The following PHLDB3 variants were observed in gnomAD, a reference collection of about 807,000 sequenced individuals.
PHLDB3 encodes pleckstrin homology like domain family B member 3, also known as pleckstrin homology-like domain family B member 3.
Under a neutral mutation model 85.7 loss-of-function variants are expected in PHLDB3, and 86 were observed. The ratio of observed to expected loss-of-function variants is 1.00; its 90% CI spans 0.84 to 1.20. PHLDB3 has a LOEUF of 1.20. Ranked by LOEUF, PHLDB3 falls within the 50% of genes most tolerant of loss-of-function variation. The pLI is 0.00. For missense variants in PHLDB3, 995 were observed against 873.0 expected, an observed-to-expected ratio of 1.14 and a Z score of -1.76; for synonymous variants, 376 against 349.8, an observed-to-expected ratio of 1.07 and a Z score of -0.83.
At chr19:43,499,094 A>T (rs188003602) in intron 4 of PHLDB3, among the ~76,000 whole-genome samples, 10 of 152,196 alleles carry the variant, frequency 6.6e-5, no homozygotes, top group Non-Finnish European at 1.3e-4. Flanking sequence ...CTGCCTCGGG[A>T]GTCCTCCAAG....
intron 2 of PHLDB3, among the ~76,000 whole-genome samples, chr19:43,502,743 A>C (rs576587198): frequency 1.3e-5 from 2 of 148,986 alleles, no homozygotes; most frequent in Non-Finnish European, 3.0e-5. Context: ...GGCATAAGCC[A>C]CCGCGCCCGG....
At position 43,494,620 on chromosome 19, in the gene PHLDB3, A is replaced by G. The variant is rs557365992; in HGVS notation, c.1149+82T>C. ...TCAGAGTGGAAGTTCTGGAGACCCCAGTTCGGGGACTCTGCTGTTAGCCCC... is the reference window on the plus strand; with the variant it reads ...TCAGAGTGGAAGTTCTGGAGACCCCGGTTCGGGGACTCTGCTGTTAGCCCC... On this transcript the variant is annotated intron_variant, in intron 9 of 15. Transcript: ENST00000292140. The G allele has an allele frequency of 1.6e-5, 18 of 1,147,620 alleles. 1 individual carries two copies. The South Asian group carries it at 2.5e-4, about 16-fold the overall frequency. The allele number at this position is 1,147,620 out of a possible 1,614,324, so 71.1% of individuals were successfully genotyped here.
At chr19:43,494,622 T>G in intron 9 of PHLDB3, 80 bp downstream of exon 9, 1 of 1,178,810 alleles carries the variant, frequency 8.5e-7, no homozygotes, top group Non-Finnish European at 1.2e-6. Context: ...GAGACCCCAG[T>G]TCGGGGACTC....
intron 9 of PHLDB3, among the ~76,000 whole-genome samples, chr19:43,491,650 C>T (rs896383048): frequency 1.3e-5 from 2 of 148,310 alleles, no homozygotes; most frequent in African/African-American, 5.0e-5. Flanking sequence ...TATAGGCACG[C>T]ACCAGCACAC....
Position 43,497,369 on chromosome 19 carries a change from A to T in PHLDB3, c.664-90T>A, listed in dbSNP as rs969736270. On this transcript the variant is annotated intron_variant, in intron 5 of 15. Coordinates refer to ENST00000292140, the MANE Select transcript of PHLDB3 (RefSeq NM_198850.4). Reference sequence around the variant, plus strand: ...GGGGCTGGGACTCCTGGTCAGAGGAAGAAGGTGACTGAGGACTTGGATTCC... The same window carrying T: ...GGGGCTGGGACTCCTGGTCAGAGGATGAAGGTGACTGAGGACTTGGATTCC... 5.4e-6 allele frequency: 6 copies of T among 1,102,802 alleles called. No individual in the cohort carries two copies. In the African/African-American group the frequency reaches 9.8e-5, roughly 18 times the overall value. The allele number at this position is 1,102,802 out of a possible 1,614,324, so 68.3% of individuals were successfully genotyped here. A position where few individuals can be genotyped will look rare whatever the true frequency, so the allele number is the denominator to read the frequency against.
In PHLDB3 at chr19:43,480,264, TAAAAAAAAAA is replaced by T. The variant is rs57417757; in HGVS notation, c.1486-681_1486-672del. On this transcript the variant is annotated intron_variant, in intron 13 of 15. Transcript: ENST00000292140. Reference sequence around the variant, plus strand: ...CAACACAGAAGACCCCTTCTCTATTTAAAAAAAAAAAAAAAAAAAAAAAAAAAAGGAGAGA... The same window carrying T: ...CAACACAGAAGACCCCTTCTCTATTTAAAAAAAAAAAAAAAAAAGGAGAGA... 9.9e-3 allele frequency among the ~76,000 whole-genome samples: 708 copies of T among 71,614 alleles called. 2 individuals carry two copies. The highest frequency in any genetic ancestry group is 0.059 in the Middle Eastern group (6 of 102). The allele number at this position is 71,614 out of a possible 152,430, so 47.0% of individuals were successfully genotyped here. A position where few individuals can be genotyped will look rare whatever the true frequency, so the allele number is the denominator to read the frequency against.
intron 9 of PHLDB3, among the ~76,000 whole-genome samples, 184 bp downstream of exon 9, chr19:43,494,518 T>A (rs534521879): frequency 1.3e-5 from 2 of 151,818 alleles, no homozygotes; most frequent in East Asian, 3.9e-4. Flanking sequence ...AGAAAAAAAA[T>A]AACAATAATA....
chr19:43,490,193 T>C (rs1971282528), intron 9 of PHLDB3, among the ~76,000 whole-genome samples: 1 of 151,986 alleles, frequency 6.6e-6, no homozygotes, highest in Admixed American at 6.6e-5. Context: ...TGAACTGTGG[T>C]TGTGTAAGAG....
chr19:43,500,384 C>CG (rs1971559066), intron 4 of PHLDB3, among the ~76,000 whole-genome samples: 1 of 152,120 alleles, frequency 6.6e-6, no homozygotes, highest in South Asian at 2.1e-4. Flanking sequence ...GAAACAGAGG[C>CG]ATGTTCAAGG....
At position 43,502,112 on chromosome 19, in the gene PHLDB3, G is replaced by C; in HGVS notation, c.385C>G (p.Leu129Val). 1.9e-6 allele frequency: 3 copies of C among 1,573,896 alleles called. No homozygotes were observed. The highest frequency in any genetic ancestry group is 2.6e-6 in the Non-Finnish European group (3 of 1,160,486). The change falls in exon 3 of 16, where the codon CTG (leucine) becomes GTG (valine). Residue 129 changes from leucine to valine, a missense_variant. By Grantham distance (32) the Leu-to-Val change is conservative. Coordinates refer to ENST00000292140, the MANE Select transcript of PHLDB3 (RefSeq NM_198850.4). ...VKELQRQRKE[L>V]RIEMEVEVAL... Reference sequence around the variant, plus strand: ...GTCCGCAGCCTCACCTCGATCCTCAGCTCCTTCCTCTGGCGCTGTAGCTCC... The same window carrying C: ...GTCCGCAGCCTCACCTCGATCCTCACCTCCTTCCTCTGGCGCTGTAGCTCC...
intron 15 of PHLDB3, among the ~76,000 whole-genome samples, chr19:43,476,158 A>G (rs1970923613): frequency 6.6e-6 from 1 of 152,206 alleles, no homozygotes; most frequent in South Asian, 2.1e-4. Context: ...TATTAGAAAT[A>G]CAGGCATTCA....
intron 9 of PHLDB3, among the ~76,000 whole-genome samples, chr19:43,489,113 A>G (rs957640321): frequency 3.3e-5 from 5 of 152,130 alleles, no homozygotes; most frequent in Non-Finnish European, 5.9e-5. Context: ...TCTAAGGACA[A>G]TTCTGCAGTG....
chr19:43,504,557 T>C, intron 1 of PHLDB3, 32 bp downstream of exon 1: 1 of 175,058 alleles, frequency 5.7e-6, no homozygotes, highest in East Asian at 1.7e-4. Context: ...CCGACCCCAC[T>C]GTGCAGGGCA....
chr19:43,487,074 TC>T lies in PHLDB3; in HGVS notation c.1198del (p.Glu400ArgfsTer41), dbSNP rs754807034. 31 of 1,576,646 alleles carry T rather than the reference TC, an allele frequency of 2.0e-5. No homozygotes were observed. The highest frequency in any genetic ancestry group is 2.7e-5 in the Non-Finnish European group (31 of 1,161,600). Reference sequence around the variant, plus strand: ...GGGGGATCCTCTCTGGCTCCCCCTCTCCCCCCTTTTCCGGGGCAGGCTCCCA... The same window carrying T: ...GGGGGATCCTCTCTGGCTCCCCCTCTCCCCCTTTTCCGGGGCAGGCTCCCA... ...RTGSLPRKRG[E>X]RGSQRGSPRP... On this transcript the variant is annotated frameshift_variant, in exon 10 of 16. Coordinates refer to ENST00000292140, the MANE Select transcript of PHLDB3 (RefSeq NM_198850.4). LOFTEE classifies it high-confidence loss of function.
At chr19:43,499,567 T>C (rs975170144) in intron 4 of PHLDB3, among the ~76,000 whole-genome samples, 3 of 151,980 alleles carry the variant, frequency 2.0e-5, no homozygotes, top group African/African-American at 7.3e-5. Context: ...GGGAGAAATA[T>C]GTGATCTTTG....
intron 8 of PHLDB3, among the ~76,000 whole-genome samples, chr19:43,495,020 G>C (rs10407504): frequency 1.4e-5 from 2 of 147,650 alleles, no homozygotes; most frequent in African/African-American, 5.0e-5. Context: ...GGGGCTGGGG[G>C]CTGGACTCCT....
chr19:43,489,417 CTAGG>C (rs1364729364), intron 9 of PHLDB3, among the ~76,000 whole-genome samples: 1 of 145,372 alleles, frequency 6.9e-6, no homozygotes, highest in Non-Finnish European at 1.5e-5. Flanking sequence ...ATAGAATAAA[CTAGG>C]TATGCATAAA....
intron 13 of PHLDB3, among the ~76,000 whole-genome samples, chr19:43,484,046 G>A (rs916197142): frequency 4.6e-5 from 7 of 151,840 alleles, no homozygotes; most frequent in African/African-American, 1.7e-4. Flanking sequence ...GAGGTCAGGA[G>A]TTCAAAACCA....
intron 13 of PHLDB3, among the ~76,000 whole-genome samples, chr19:43,484,744 C>A (rs1230322962): frequency 6.6e-6 from 1 of 152,042 alleles, no homozygotes; most frequent in East Asian, 1.9e-4. Context: ...TGGAGATACA[C>A]AGTGATGTTT....
Sources: gnomAD v4.1 joint callset for allele counts (sites outside exome capture counted in the v4.1 genomes callset) on GRCh38, gnomAD v4.1.1 for gene constraint, MANE v1.5 for transcripts, NCBI Gene and HGNC (gene_info 2026-07-23, HGNC 2026-07-21) for gene names.